The following INPP4B variants were observed in gnomAD, a reference collection of about 807,000 sequenced individuals.
The protein encoded by INPP4B is inositol polyphosphate 4-phosphatase type II.
A neutral mutation model predicts 122.5 loss-of-function variants in INPP4B; 55 were observed. The ratio of observed to expected loss-of-function variants is 0.45; its 90% CI spans 0.36 to 0.56. The LOEUF is 0.56. INPP4B is among the 20% of genes least tolerant of loss of function. The probability of loss-of-function intolerance (pLI) is 0.00; values close to 1 mark genes in which losing one functional copy is unlikely to be tolerated. For missense variants in INPP4B, 1,000 were observed against 1,097.7 expected (o/e 0.91, Z 1.26); for synonymous variants, 403 against 388.7 (o/e 1.04, Z -0.43).
intron 25 of INPP4B, among the ~76,000 whole-genome samples, chr4:142,044,363 T>G (rs1036514387): frequency 6.6e-6 from 1 of 151,956 alleles, no homozygotes; most frequent in Non-Finnish European, 1.5e-5. Flanking sequence ...TAGTAAGGAG[T>G]GACATAGAAA....
At chr4:142,512,978 T>G (rs369789940) in intron 2 of INPP4B, among the ~76,000 whole-genome samples, 9 of 152,236 alleles carry the variant, frequency 5.9e-5, no homozygotes, top group African/African-American at 9.6e-5. Flanking sequence ...AATTAAAAAT[T>G]TGACATATAG....
At chr4:142,779,842 T>C (rs951581620) in intron 1 of INPP4B, among the ~76,000 whole-genome samples, 6 of 152,004 alleles carry the variant, frequency 3.9e-5, no homozygotes, top group African/African-American at 1.4e-4. Context: ...GCAAAAGTAA[T>C]TGAGGTTTTT....
At chr4:142,589,214 T>G (rs1421397853) in intron 2 of INPP4B, among the ~76,000 whole-genome samples, 5 of 152,042 alleles carry the variant, frequency 3.3e-5, no homozygotes, top group Non-Finnish European at 7.4e-5. Flanking sequence ...ATATAAAAGC[T>G]ATACTCGATG....
At chr4:142,369,265 C>T (rs1040504677) in intron 7 of INPP4B, among the ~76,000 whole-genome samples, 2 of 152,012 alleles carry the variant, frequency 1.3e-5, no homozygotes, top group African/African-American at 4.8e-5. Flanking sequence ...GAGGCTTCAT[C>T]CCCCCATATT....
chr4:142,275,962 G>A (rs1451858028), intron 9 of INPP4B, among the ~76,000 whole-genome samples: 2 of 151,582 alleles, frequency 1.3e-5, no homozygotes, highest in Admixed American at 6.6e-5. Flanking sequence ...CTACAAGCTT[G>A]AGACCTAACC....
At chr4:142,575,479 A>G (rs1482403290) in intron 2 of INPP4B, among the ~76,000 whole-genome samples, 6 of 152,070 alleles carry the variant, frequency 3.9e-5, no homozygotes, top group Admixed American at 2.0e-4. Context: ...TATCTGTCTC[A>G]TATATTTCTG....
At chr4:142,167,937 C>T (rs1823616944) in intron 16 of INPP4B, among the ~76,000 whole-genome samples, 1 of 151,018 alleles carries the variant, frequency 6.6e-6, no homozygotes, top group Non-Finnish European at 1.5e-5. Context: ...GAACTCGTCT[C>T]CATTTCACCT....
intron 23 of INPP4B, among the ~76,000 whole-genome samples, chr4:142,089,282 A>T (rs1431169076): frequency 2.0e-5 from 3 of 152,200 alleles, no homozygotes; most frequent in Non-Finnish European, 4.4e-5. Flanking sequence ...ATGGCTTTCA[A>T]ACAGTTTTGA....
At chr4:142,144,307 GAGA>G (rs1809498493) in intron 18 of INPP4B, among the ~76,000 whole-genome samples, 1 of 151,138 alleles carries the variant, frequency 6.6e-6, no homozygotes, top group African/African-American at 2.4e-5. Context: ...TGTCTTCAGT[GAGA>G]AGTTTTGGCA....
chr4:142,551,681 CT>C (rs768912119), intron 2 of INPP4B, among the ~76,000 whole-genome samples: 138 of 152,244 alleles, frequency 9.1e-4, no homozygotes, highest in Non-Finnish European at 1.3e-3. Context: ...CGCAGTAGAA[CT>C]GTAGCAGGAT....
chr4:142,096,064 T>A (rs1416083963), intron 23 of INPP4B: 2 of 152,190 alleles, frequency 1.3e-5, no homozygotes, highest in Non-Finnish European at 2.9e-5. Flanking sequence ...ATGCAGGCAT[T>A]GAAAACACTA....
intron 1 of INPP4B, among the ~76,000 whole-genome samples, chr4:142,773,238 A>G (rs1477968986): frequency 1.3e-5 from 2 of 152,106 alleles, no homozygotes; most frequent in Non-Finnish European, 1.5e-5. Context: ...TTAGCAAAAA[A>G]TGTTAGAACT....
intron 1 of INPP4B, among the ~76,000 whole-genome samples, chr4:142,746,270 C>G (rs1157536312): frequency 2.0e-5 from 3 of 151,988 alleles, no homozygotes; most frequent in Non-Finnish European, 2.9e-5. Context: ...CTCCCATTCA[C>G]AATTGCTACA....
At chr4:142,548,169 G>T (rs1029972618) in intron 2 of INPP4B, among the ~76,000 whole-genome samples, 3 of 152,098 alleles carry the variant, frequency 2.0e-5, no homozygotes, top group Non-Finnish European at 4.4e-5. Flanking sequence ...ACATCTCTTT[G>T]GAAAGCTTAA....
intron 5 of INPP4B, among the ~76,000 whole-genome samples, chr4:142,421,298 T>C (rs1362725414): frequency 1.3e-5 from 2 of 152,070 alleles, no homozygotes; most frequent in African/African-American, 4.8e-5. Context: ...AAAATTGACA[T>C]AGCTCAAAGA....
At chr4:142,297,579 C>T (rs371984399) in intron 9 of INPP4B, among the ~76,000 whole-genome samples, 1 of 152,206 alleles carries the variant, frequency 6.6e-6, no homozygotes, top group South Asian at 2.1e-4. Flanking sequence ...ACTGTTCCTA[C>T]TTCACCTTTT....
Position 142,582,149 on chromosome 4 carries a change from C to CCT in INPP4B, c.-190-119424_-190-119423insAG, listed in dbSNP as rs545386352. ...ACCCAAGTGGTCTTGAACACCTTCT[C>CCT]CACTCATTTCCCTAATCTGCTGAAA... On this transcript the variant is annotated intron_variant, in intron 2 of 25. Transcript: ENST00000262992. Among the ~76,000 whole-genome samples the CCT allele has an allele frequency of 1.4e-4, 22 of 151,946 alleles. 3 individuals carry two copies. In the East Asian group the frequency reaches 4.1e-3, roughly 28 times the overall value.
chr4:142,186,788 G>C lies in INPP4B; in HGVS notation c.1181+6299C>G, dbSNP rs188983362. ...ATTCACTTATTACAAATTCACTCAGGATCATGTGAAATTGAGCAAAAATCC... is the reference window on the plus strand; with the variant it reads ...ATTCACTTATTACAAATTCACTCAGCATCATGTGAAATTGAGCAAAAATCC... On this transcript the variant is annotated intron_variant, in intron 15 of 25. Coordinates refer to ENST00000262992, the MANE Select transcript of INPP4B (RefSeq NM_001101669.3). Among the ~76,000 whole-genome samples, 202 of 152,226 alleles carry C rather than the reference G, an allele frequency of 1.3e-3. 1 individual carries two copies. Among genetic ancestry groups the C allele is most frequent in the Non-Finnish European group, 9.7e-4 (66 of 68,012 alleles).
chr4:142,102,478 T>C (rs1176516518), intron 23 of INPP4B, among the ~76,000 whole-genome samples: 1 of 150,524 alleles, frequency 6.6e-6, no homozygotes, highest in Non-Finnish European at 1.5e-5. Flanking sequence ...TTTTTTTTTT[T>C]TTTGAAGCTT....
Sources: allele counts gnomAD v4.1 joint callset (sites outside exome capture counted in the v4.1 genomes callset), GRCh38; gene constraint gnomAD v4.1.1; transcripts MANE v1.5; gene names NCBI Gene and HGNC (gene_info 2026-07-23, HGNC 2026-07-21).